Variants in ASB15 observed in about 807,000 individuals in gnomAD.
ASB15 encodes the protein ankyrin repeat and SOCS box protein 15.
A neutral mutation model predicts 58.0 loss-of-function variants in ASB15; 54 were observed. The ratio of observed to expected loss-of-function variants is 0.93; its 90% CI spans 0.75 to 1.17. The LOEUF (loss-of-function observed/expected upper bound fraction) is 1.17, where lower values mean the gene tolerates loss of function less well. Ranked by LOEUF, ASB15 falls within the 50% of genes most tolerant of loss-of-function variation. The probability of loss-of-function intolerance (pLI) is 0.00; values close to 1 mark genes in which losing one functional copy is unlikely to be tolerated. For synonymous variants in ASB15, 249 were observed against 262.4 expected (o/e 0.95, Z 0.50); for missense variants, 680 against 707.4 (o/e 0.96, Z 0.44).
rs200486844 is a variant in ASB15, at chr7:123,627,118, G to A, written c.706G>A (p.Val236Met). The A allele has an allele frequency of 3.8e-5, 61 of 1,613,012 alleles. No individual in the cohort carries two copies. The highest frequency in any genetic ancestry group is 4.7e-5 in the Non-Finnish European group (56 of 1,179,410). The change falls in exon 9 of 12, where the codon GTG becomes ATG. Residue 236 changes from valine to methionine, a missense_variant. Coordinates refer to ENST00000451215, the MANE Select transcript of ASB15 (RefSeq NM_001290258.2). ...ACGTTTTATACTGCCAGGTGGTGAT[G>A]TGCTTGCTTTGGCGGATGATGGGGC... ...LEHLIHKGGD[V>M]LALADDGASV...
chr7:123,618,137 G>A (rs1800948354), intron 7 of ASB15, among the ~76,000 whole-genome samples: 2 of 152,198 alleles, frequency 1.3e-5, no homozygotes, highest in African/African-American at 2.4e-5. Context: ...GACTGATCAG[G>A]CGAACCTGGA....
intron 4 of ASB15, among the ~76,000 whole-genome samples, chr7:123,615,067 G>T (rs1800712664): frequency 6.6e-6 from 1 of 152,138 alleles, no homozygotes. Context: ...ATAATGCTAA[G>T]CCATGTAGCC....
intron 1 of ASB15, among the ~76,000 whole-genome samples, chr7:123,569,223 A>C (rs1798838105): frequency 6.6e-6 from 1 of 152,186 alleles, no homozygotes; most frequent in South Asian, 2.1e-4. Context: ...CGTAAATGGC[A>C]ATCTTGGCAA....
intron 2 of ASB15, among the ~76,000 whole-genome samples, chr7:123,606,696 T>A (rs551416765): frequency 2.0e-5 from 3 of 152,304 alleles, no homozygotes; most frequent in Admixed American, 6.5e-5. Flanking sequence ...CACAGATAAA[T>A]ATCACAATAT....
At chr7:123,629,899 C>T in intron 10 of ASB15, 67 bp from the exon 11 acceptor site, 1 of 1,101,998 alleles carries the variant, frequency 9.1e-7, no homozygotes, top group Non-Finnish European at 1.3e-6. Flanking sequence ...TTTTCCATAA[C>T]ACAATTGAGT....
At chr7:123,598,862 G>C (rs1187543418), upstream of ASB15, 4 of 152,158 alleles carry the variant, frequency 2.6e-5, no homozygotes, top group East Asian at 1.9e-4. Flanking sequence ...GATTCTTCCA[G>C]GGGCCTGTGA....
chr7:123,629,556 T>G, intron 10 of ASB15, 122 bp downstream of exon 10: 1 of 916,652 alleles, frequency 1.1e-6, no homozygotes, highest in South Asian at 1.8e-5. Context: ...TCTTGTTTTT[T>G]CAATTTTTGT....
intron 4 of ASB15, chr7:123,615,307 C>G (rs927497586): frequency 2.0e-5 from 3 of 152,012 alleles, no homozygotes; most frequent in African/African-American, 7.2e-5. Flanking sequence ...AACTAGCTTA[C>G]CTTTACTTTT....
chr7:123,567,527 C>T (rs1798795638), intron 1 of ASB15, among the ~76,000 whole-genome samples: 1 of 152,160 alleles, frequency 6.6e-6, no homozygotes, highest in Admixed American at 6.5e-5. Flanking sequence ...CTCAGTGATG[C>T]AAGCTCTTTT....
chr7:123,580,467 C>A (rs1231220558), intron 1 of ASB15, among the ~76,000 whole-genome samples: 2 of 151,934 alleles, frequency 1.3e-5, no homozygotes, highest in Non-Finnish European at 2.9e-5. Context: ...AGTTATGTGG[C>A]CTTAGGCAAT....
In ASB15 at chr7:123,630,010, CAG is replaced by C. The variant is rs753675304; in HGVS notation, c.1488_1489del (p.Arg496SerfsTer17). The part of the protein sequence containing the change: ...TVPWMKHLVG[R>X]VTRVLIDYMD... ...TTCCTTGGATGAAGCACTTGGTAGG[CAG>C]AGTTACTCGTGTACTAATAGATTAC... On this transcript the variant is annotated frameshift_variant, in exon 11 of 12. Transcript: ENST00000451215. LOFTEE classifies it high-confidence loss of function. 2.5e-6 allele frequency: 4 copies of C among 1,600,696 alleles called. No individual in the cohort carries two copies. The Admixed American group carries it at 5.0e-5, about 20-fold the overall frequency.
rs1802501658 is a variant in ASB15, at chr7:123,637,878, T to TAAAAAAAAAAAAAAAAACAAAAAA, written c.*914_*915insCAAAAAAAAAAAAAAAAAAAAAAA. 3 of 52,468 alleles carry TAAAAAAAAAAAAAAAAACAAAAAA rather than the reference T, an allele frequency of 5.7e-5. No homozygotes were observed. Among genetic ancestry groups the TAAAAAAAAAAAAAAAAACAAAAAA allele is most frequent in the Non-Finnish European group, 1.1e-4 (3 of 26,694 alleles). 3.3% of individuals were successfully genotyped at this position (52,468 alleles called of 1,614,324 possible). On this transcript the variant is annotated 3_prime_UTR_variant, in exon 12 of 12. Transcript: ENST00000451215. ...AAATTCAACATGTCCCCAGATGAAC[T>TAAAAAAAAAAAAAAAAACAAAAAA]AAAAAAAAAAAAAAAAAAAAAACCT...
At position 123,637,958 on chromosome 7, in the gene ASB15, G is replaced by T. The variant is rs1442384214; in HGVS notation, c.*977G>T. The T allele has an allele frequency of 7.0e-6, 1 of 142,358 alleles. No individual in the cohort carries two copies. The highest frequency in any genetic ancestry group is 1.5e-5 in the Non-Finnish European group (1 of 66,666). The allele number at this position is 142,358 out of a possible 1,614,324, so 8.8% of individuals were successfully genotyped here. ...CTCAATTCAGTTTCCAAAGAAAAAA[G>T]CCTGGACATTAGGTTTGACCATCCC... On this transcript the variant is annotated 3_prime_UTR_variant, in exon 12 of 12. Transcript: ENST00000451215.
chr7:123,630,872 C>T (rs955345948), intron 11 of ASB15, among the ~76,000 whole-genome samples: 3 of 152,100 alleles, frequency 2.0e-5, no homozygotes, highest in Admixed American at 6.5e-5. Flanking sequence ...CCTGAATCAG[C>T]CTTCCCCTGG....
intron 1 of ASB15, among the ~76,000 whole-genome samples, chr7:123,575,271 C>T (rs1410048443): frequency 6.6e-6 from 1 of 151,972 alleles, no homozygotes. Flanking sequence ...CTATCACGTT[C>T]CTTCTTTCTC....
At chr7:123,631,492 G>T (rs2041147836) in intron 11 of ASB15, among the ~76,000 whole-genome samples, 1 of 152,070 alleles carries the variant, frequency 6.6e-6, no homozygotes, top group South Asian at 2.1e-4. Flanking sequence ...CTAAGCCTAA[G>T]GGAAATTACA....
intron 1 of ASB15, among the ~76,000 whole-genome samples, chr7:123,580,112 TTGGGTC>T (rs930023106): frequency 2.6e-5 from 4 of 151,820 alleles, no homozygotes; most frequent in Non-Finnish European, 4.4e-5. Context: ...ATGGTCTAAA[TTGGGTC>T]TTAAATTAGC....
intron 1 of ASB15, among the ~76,000 whole-genome samples, chr7:123,577,168 A>T (rs1259995316): frequency 6.6e-6 from 1 of 152,144 alleles, no homozygotes; most frequent in Non-Finnish European, 1.5e-5. Flanking sequence ...GATGTTTTGA[A>T]CTTAGATGTA....
At chr7:123,634,073 T>A (rs975851356) in intron 11 of ASB15, among the ~76,000 whole-genome samples, 1 of 152,182 alleles carries the variant, frequency 6.6e-6, no homozygotes, top group African/African-American at 2.4e-5. Context: ...AGTGTACATG[T>A]GCAGAATGTG....
Sources: gnomAD v4.1 joint callset for allele counts (sites outside exome capture counted in the v4.1 genomes callset) on GRCh38, gnomAD v4.1.1 for gene constraint, MANE v1.5 for transcripts, NCBI Gene and HGNC (gene_info 2026-07-23, HGNC 2026-07-21) for gene names.